Variants in PRR5 observed in about 807,000 individuals in gnomAD.
PRR5 encodes proline-rich protein 5.
Under a neutral mutation model 30.6 loss-of-function variants are expected in PRR5, and 25 were observed. That is an observed-to-expected ratio of 0.82 (90% CI 0.60 to 1.14). The LOEUF (loss-of-function observed/expected upper bound fraction) is 1.14. Among genes scored for constraint, PRR5 ranks in the 50% most tolerant of loss-of-function variants. The pLI is 0.00. For missense variants in PRR5, 600 were observed against 547.1 expected, an observed-to-expected ratio of 1.10 and a Z score of -0.96; for synonymous variants, 286 against 247.1, an observed-to-expected ratio of 1.16 and a Z score of -1.48.
chr22:44,695,824 C>A (rs1601974352), intron 1 of PRR5, among the ~76,000 whole-genome samples: 1 of 151,592 alleles, frequency 6.6e-6, no homozygotes, highest in Non-Finnish European at 1.5e-5. Context: ...TGGTCTCGAA[C>A]CCCTGACCTC....
intron 6 of PRR5, among the ~76,000 whole-genome samples, chr22:44,733,308 G>A (rs1013171862): frequency 6.6e-6 from 1 of 152,236 alleles, no homozygotes; most frequent in African/African-American, 2.4e-5. Flanking sequence ...GTCACTGCCG[G>A]CCACCCCATT....
upstream of PRR5, among the ~76,000 whole-genome samples, chr22:44,673,879 G>A (rs1923563022): frequency 6.6e-6 from 1 of 152,182 alleles, no homozygotes; most frequent in Non-Finnish European, 1.5e-5. Flanking sequence ...GAGGCTGAGA[G>A]AGGAGTAAAA....
intron 1 of PRR5, among the ~76,000 whole-genome samples, chr22:44,692,048 C>A (rs1007478745): frequency 3.9e-5 from 6 of 152,122 alleles, no homozygotes; most frequent in Non-Finnish European, 7.4e-5. Flanking sequence ...TGGGAATAGT[C>A]ATTCCTGCCT....
chr22:44,725,372 G>A (rs1250033835), intron 3 of PRR5, 80 bp downstream of exon 3: 2 of 1,585,798 alleles, frequency 1.3e-6, no homozygotes, highest in Non-Finnish European at 1.7e-6. Context: ...TGCCCCCGGG[G>A]GTGTGGAGCG....
intron 2 of PRR5, among the ~76,000 whole-genome samples, chr22:44,719,766 C>A (rs1929655400): frequency 6.6e-6 from 1 of 152,212 alleles, no homozygotes; most frequent in Non-Finnish European, 1.5e-5. Flanking sequence ...GGGCCGCCTG[C>A]TCCCTGCAAG....
At chr22:44,679,971 T>G (rs1601948868) in intron 1 of PRR5, 1 of 1,312,944 alleles carries the variant, frequency 7.6e-7, no homozygotes, top group Admixed American at 2.2e-5. Context: ...TAGGGAAAGG[T>G]GAGTAGGACG....
At chr22:44,698,180 G>A (rs1242061986), upstream of PRR5, among the ~76,000 whole-genome samples, 2 of 152,126 alleles carry the variant, frequency 1.3e-5, no homozygotes, top group African/African-American at 2.4e-5. Flanking sequence ...ACCAGCTGCC[G>A]ACACCCCACT....
At chr22:44,720,025 TC>T (rs1210871173) in intron 2 of PRR5, among the ~76,000 whole-genome samples, 1 of 152,088 alleles carries the variant, frequency 6.6e-6, no homozygotes, top group Non-Finnish European at 1.5e-5. Flanking sequence ...TGCAGCTTCG[TC>T]CCCTGGGCTC....
chr22:44,710,963 G>A (rs1410565033), intron 1 of PRR5, among the ~76,000 whole-genome samples: 4 of 152,136 alleles, frequency 2.6e-5, no homozygotes, highest in Non-Finnish European at 5.9e-5. Context: ...CCATTTTCCA[G>A]ATGGGGACAC....
chr22:44,693,645 G>GTTT (rs1925483619), intron 1 of PRR5, among the ~76,000 whole-genome samples: 1 of 126,496 alleles, frequency 7.9e-6, no homozygotes, highest in Admixed American at 9.1e-5. Flanking sequence ...TTTTTCTGAG[G>GTTT]TGGAGTCTTG....
At chr22:44,673,801 G>C (rs1461072998), upstream of PRR5, among the ~76,000 whole-genome samples, 1 of 152,128 alleles carries the variant, frequency 6.6e-6, no homozygotes, top group Admixed American at 6.5e-5. Flanking sequence ...GGAGGGGCCA[G>C]GAGATCTACC....
chr22:44,685,008 G>T (rs1028048397), intron 1 of PRR5, among the ~76,000 whole-genome samples: 1 of 152,192 alleles, frequency 6.6e-6, no homozygotes, highest in Admixed American at 6.5e-5. Flanking sequence ...GTTACTGACC[G>T]TGGGAAGCGT....
At chr22:44,719,698 C>T (rs901183903) in intron 2 of PRR5, among the ~76,000 whole-genome samples, 2 of 152,218 alleles carry the variant, frequency 1.3e-5, no homozygotes, top group African/African-American at 2.4e-5. Context: ...TGCTTTTGAC[C>T]ATGAGAAGCG....
Position 44,691,282 on chromosome 22 carries a change from C to T in PRR5, c.-10-11210C>T, listed in dbSNP as rs4823363. On this transcript the variant is annotated intron_variant, in intron 1 of 8. Transcript: ENST00000006251. This position sits in a 1 kb window ranked among gnomAD's most constrained non-coding sequence, Gnocchi z 4.4. The stretch of plus-strand genomic sequence containing the variant: ...TGGTCCTGGCCCTGCCCCTCACCAG[C>T]CTGTGACCCTGCAGGTGACGTCAGG... Among the ~76,000 whole-genome samples the T allele has an allele frequency of 0.12, 17,515 of 152,080 alleles. 1,164 individuals carry two copies. Among genetic ancestry groups the T allele is most frequent in the Admixed American group, 0.18 (2,751 of 15,284 alleles).
intron 1 of PRR5, among the ~76,000 whole-genome samples, chr22:44,710,905 C>T (rs975735428): frequency 6.6e-6 from 1 of 152,096 alleles, no homozygotes; most frequent in Non-Finnish European, 1.5e-5. Flanking sequence ...CAGGGCAGGG[C>T]GTGCTGACCT....
chr22:44,704,084 C>T (rs1346181138), intron 1 of PRR5, among the ~76,000 whole-genome samples: 1 of 152,204 alleles, frequency 6.6e-6, no homozygotes, highest in African/African-American at 2.4e-5. Flanking sequence ...CAGTGCCCAC[C>T]TCATGGGGCT....
At chr22:44,682,456 G>A (rs1322314207) in intron 1 of PRR5, among the ~76,000 whole-genome samples, 2 of 152,180 alleles carry the variant, frequency 1.3e-5, no homozygotes. Context: ...GCTGGGCTCT[G>A]GATTCCACCA....
upstream of PRR5, among the ~76,000 whole-genome samples, chr22:44,701,023 C>A (rs571414510): frequency 6.6e-6 from 1 of 152,090 alleles, no homozygotes; most frequent in Admixed American, 6.6e-5. Context: ...GCTGGGATTA[C>A]GGGCATGCAC....
At chr22:44,710,114 G>A (rs1927934577) in intron 1 of PRR5, among the ~76,000 whole-genome samples, 2 of 152,162 alleles carry the variant, frequency 1.3e-5, no homozygotes, top group African/African-American at 2.4e-5. Context: ...GGGAGGCCAT[G>A]GGTGCGGCAC....
Sources: gnomAD v4.1 joint callset for allele counts (sites outside exome capture counted in the v4.1 genomes callset) on GRCh38, gnomAD v4.1.1 for gene constraint, Gnocchi (gnomAD v3.1) non-coding constraint, MANE v1.5 for transcripts, NCBI Gene and HGNC (gene_info 2026-07-23, HGNC 2026-07-21) for gene names.